The following CALN1 variants were observed in gnomAD, a reference collection of about 807,000 sequenced individuals.
CALN1 encodes the protein calcium-binding protein 8.
CALN1 carries 17 observed loss-of-function variants against 30.6 expected under a neutral mutation model. The observed-to-expected ratio is 0.56, with a 90% CI of 0.38 to 0.83. The LOEUF (loss-of-function observed/expected upper bound fraction) is 0.83, where lower values mean the gene tolerates loss of function less well. Ranked by LOEUF, CALN1 falls within the 40% of genes least tolerant of loss-of-function variation. The pLI is 0.00. For missense variants in CALN1, 291 were observed against 354.9 expected, an observed-to-expected ratio of 0.82 and a Z score of 1.45; for synonymous variants, 156 against 131.4, an observed-to-expected ratio of 1.19 and a Z score of -1.28.
At chr7:72,278,530 C>G (rs940545506) in intron 3 of CALN1, among the ~76,000 whole-genome samples, 156 bp downstream of exon 3, 2 of 148,890 alleles carry the variant, frequency 1.3e-5, no homozygotes, top group African/African-American at 4.9e-5. Context: ...TTGGGCAAAA[C>G]TTTGTCTCTG....
At chr7:72,051,790 C>G (rs1010560989) in intron 4 of CALN1, among the ~76,000 whole-genome samples, 2 of 152,076 alleles carry the variant, frequency 1.3e-5, no homozygotes, top group African/African-American at 4.8e-5. Context: ...TCAATAGACA[C>G]AATAAAAAGT....
At chr7:71,820,729 T>C (rs893304471) in intron 5 of CALN1, among the ~76,000 whole-genome samples, 1 of 152,236 alleles carries the variant, frequency 6.6e-6, no homozygotes, top group African/African-American at 2.4e-5. Flanking sequence ...ATCTTTGAGT[T>C]GTATTTTTAT....
At chr7:72,031,117 T>G (rs1247585700) in intron 4 of CALN1, among the ~76,000 whole-genome samples, 1 of 152,188 alleles carries the variant, frequency 6.6e-6, no homozygotes, top group Non-Finnish European at 1.5e-5. Flanking sequence ...GAGCTGAGAT[T>G]CCAGCCCCAG....
rs575910206 is a variant in CALN1 at position 71,955,244 on chromosome 7, C to T, written c.501+68413G>A. Among the ~76,000 whole-genome samples the T allele has an allele frequency of 5.9e-5, 9 of 152,204 alleles. No individual in the cohort carries two copies. The South Asian group carries it at 1.9e-3, about 32-fold the overall frequency. On this transcript the variant is annotated intron_variant, in intron 5 of 6. Transcript: ENST00000395275. ...TGAGACGTATTCACTACCACGAGAA[C>T]AGTATGGAAGAAACCGTCCCTGTGA...
intron 1 of CALN1, among the ~76,000 whole-genome samples, chr7:72,410,887 T>C (rs919836762): frequency 1.2e-4 from 19 of 152,196 alleles, no homozygotes; most frequent in Non-Finnish European, 2.4e-4. Flanking sequence ...TCTGCTACTA[T>C]TAACACTGTA....
At chr7:72,349,682 A>G (rs1413228994) in intron 2 of CALN1, among the ~76,000 whole-genome samples, 1 of 152,214 alleles carries the variant, frequency 6.6e-6, no homozygotes, top group Non-Finnish European at 1.5e-5. Context: ...GCATGTCTCT[A>G]ACAATTAGTG....
chr7:72,247,334 C>T (rs1204057652), intron 3 of CALN1, among the ~76,000 whole-genome samples: 3 of 139,900 alleles, frequency 2.1e-5, no homozygotes, highest in African/African-American at 5.4e-5. Flanking sequence ...CTGCAAGTTC[C>T]GCCTCCCGGT....
chr7:72,439,713 A>G (rs199832679), intron 1 of CALN1, among the ~76,000 whole-genome samples: 1 of 151,766 alleles, frequency 6.6e-6, no homozygotes, highest in East Asian at 1.9e-4. Flanking sequence ...AGTAGCTGGG[A>G]TGACAAGCGC....
At chr7:72,472,498 C>T in the CALN1 span, among the ~76,000 whole-genome samples, 1 of 152,086 alleles carries the variant, frequency 6.6e-6, no homozygotes, top group Non-Finnish European at 1.5e-5. Flanking sequence ...AAAGGTGTGT[C>T]TCGAGGCCTG....
At chr7:72,292,067 G>A (rs1174225519) in intron 2 of CALN1, among the ~76,000 whole-genome samples, 1 of 150,508 alleles carries the variant, frequency 6.6e-6, no homozygotes, top group African/African-American at 2.5e-5. Context: ...TCCATGAATA[G>A]TAAGTTGCTA....
intron 5 of CALN1, among the ~76,000 whole-genome samples, chr7:72,019,988 A>G (rs1272374181): frequency 6.6e-6 from 1 of 152,254 alleles, no homozygotes; most frequent in South Asian, 2.1e-4. Context: ...TCTTTCAAGG[A>G]TATCAGTACC....
At chr7:72,055,790 T>A (rs927457777) in intron 4 of CALN1, among the ~76,000 whole-genome samples, 6 of 152,078 alleles carry the variant, frequency 3.9e-5, no homozygotes, top group African/African-American at 1.4e-4. Flanking sequence ...GGAGTGAGGA[T>A]TGCTTGAGGC....
intron 4 of CALN1, among the ~76,000 whole-genome samples, chr7:72,054,492 C>CATATATACAT (rs1197321691): frequency 7.3e-5 from 7 of 96,182 alleles, no homozygotes; most frequent in Admixed American, 3.4e-4. Context: ...TATATATATA[C>CATATATACAT]ATATATACAT....
chr7:72,005,332 T>C (rs576027217), intron 5 of CALN1, among the ~76,000 whole-genome samples: 1 of 152,150 alleles, frequency 6.6e-6, no homozygotes, highest in African/African-American at 2.4e-5. Context: ...AGAAGCAAAC[T>C]GTTTTTTCTG....
intron 5 of CALN1, among the ~76,000 whole-genome samples, chr7:71,846,745 T>G (rs1790262255): frequency 6.7e-6 from 1 of 149,320 alleles, no homozygotes; most frequent in African/African-American, 2.5e-5. Flanking sequence ...GTAAACAAAA[T>G]CCATACATAT....
At chr7:72,128,603 GC>G (rs1266188248) in intron 3 of CALN1, among the ~76,000 whole-genome samples, 2 of 152,210 alleles carry the variant, frequency 1.3e-5, no homozygotes, top group African/African-American at 4.8e-5. Context: ...AGGTGCAGTG[GC>G]TCATGCCTGT....
At chr7:72,125,645 GTT>G (rs1262311133) in intron 3 of CALN1, among the ~76,000 whole-genome samples, 3 of 152,030 alleles carry the variant, frequency 2.0e-5, no homozygotes, top group Non-Finnish European at 4.4e-5. Context: ...GAACAGGTGG[GTT>G]TTGTTACATG....
intron 5 of CALN1, among the ~76,000 whole-genome samples, chr7:71,907,267 C>CACACACACACACA (rs1380573285): frequency 6.6e-6 from 1 of 151,888 alleles, no homozygotes; most frequent in African/African-American, 2.4e-5. Flanking sequence ...CACACACACA[C>CACACACACACACA]AACTTAAGGA....
intron 5 of CALN1, among the ~76,000 whole-genome samples, chr7:71,946,332 T>C (rs17348564): frequency 0.15 from 23,240 of 151,828 alleles, 2,215 homozygotes; most frequent in Non-Finnish European, 0.23. Context: ...TAAATTTATG[T>C]TGCCTTACAT....
Sources: allele counts gnomAD v4.1 joint callset (sites outside exome capture counted in the v4.1 genomes callset), GRCh38; gene constraint gnomAD v4.1.1; transcripts MANE v1.5; gene names NCBI Gene and HGNC (gene_info 2026-07-23, HGNC 2026-07-21).